Variants in SRRM4 observed in about 807,000 individuals in gnomAD.
SRRM4 encodes the protein serine/arginine repetitive matrix 4, also known as serine/arginine repetitive matrix protein 4.
In SRRM4, 33 loss-of-function variants were observed where a neutral mutation model predicts 68.9. That is an observed-to-expected ratio of 0.48 (90% CI 0.36 to 0.64). SRRM4 has a LOEUF of 0.64. Ranked by LOEUF, SRRM4 falls within the 30% of genes least tolerant of loss-of-function variation. The pLI is 0.00. For missense variants in SRRM4, 817 were observed against 827.1 expected, an observed-to-expected ratio of 0.99 and a Z score of 0.15; for synonymous variants, 318 against 318.8, an observed-to-expected ratio of 1.00 and a Z score of 0.03.
chr12:119,100,743 C>A (rs1256138095), intron 1 of SRRM4, among the ~76,000 whole-genome samples: 1 of 152,144 alleles, frequency 6.6e-6, no homozygotes, highest in Non-Finnish European at 1.5e-5. Context: ...AAAATAGAAG[C>A]TTTGTTGTCA....
At chr12:119,111,462 A>C (rs1282874118) in intron 2 of SRRM4, among the ~76,000 whole-genome samples, 2 of 152,202 alleles carry the variant, frequency 1.3e-5, no homozygotes, top group East Asian at 3.9e-4. Context: ...CGAAGTTCTC[A>C]AATCATGCTC....
At chr12:119,045,164 G>A (rs898281956) in intron 1 of SRRM4, among the ~76,000 whole-genome samples, 3 of 152,164 alleles carry the variant, frequency 2.0e-5, no homozygotes, top group African/African-American at 7.2e-5. Flanking sequence ...CACACCCACA[G>A]TCACATGCAG....
intron 1 of SRRM4, among the ~76,000 whole-genome samples, chr12:119,063,705 T>C (rs1275531899): frequency 6.6e-6 from 1 of 152,222 alleles, no homozygotes; most frequent in African/African-American, 2.4e-5. Context: ...ATGCTAGACA[T>C]TGGTCTCTGG....
intron 1 of SRRM4, among the ~76,000 whole-genome samples, chr12:119,016,177 A>G (rs919646234): frequency 6.6e-6 from 1 of 152,188 alleles, no homozygotes; most frequent in African/African-American, 2.4e-5. Context: ...AAGAAGCAAA[A>G]CAGAATCTTT....
intron 2 of SRRM4, among the ~76,000 whole-genome samples, chr12:119,109,410 T>C (rs1954128544): frequency 6.6e-6 from 1 of 152,204 alleles, no homozygotes; most frequent in Non-Finnish European, 1.5e-5. Context: ...TCCTGAAGAG[T>C]GTTTTCCAAC....
rs369974151 is a variant in SRRM4 at position 119,145,728 on chromosome 12, T to A, written c.1076+43T>A. On this transcript the variant is annotated intron_variant, in intron 9 of 12. Coordinates refer to ENST00000267260, the MANE Select transcript of SRRM4 (RefSeq NM_194286.4). ...GGTCGGGGGTAGACGGTCTCCCACCTTAGCTCCACCTTCTCATGCTCTCAT... is the reference window on the plus strand; with the variant it reads ...GGTCGGGGGTAGACGGTCTCCCACCATAGCTCCACCTTCTCATGCTCTCAT... The A allele has an allele frequency of 7.7e-6, 11 of 1,431,800 alleles. No individual in the cohort carries two copies. In the African/African-American group the frequency reaches 1.3e-4, roughly 17 times the overall value. The allele number at this position is 1,431,800 out of a possible 1,614,324, so 88.7% of individuals were successfully genotyped here. A position where few individuals can be genotyped will look rare whatever the true frequency, so the allele number is the denominator to read the frequency against.
rs561883576 is a variant in SRRM4 at position 119,067,650 on chromosome 12, G to A, written c.132-34586G>A. 4.6e-5 allele frequency among the ~76,000 whole-genome samples: 7 copies of A among 152,276 alleles called. No individual in the cohort carries two copies. The East Asian group carries it at 1.2e-3, about 25-fold the overall frequency. ...TTGAACCCGGGAGGTGGAGGTTGCGGTGAGGCAAGATCATGCCACTGCACT... is the reference window on the plus strand; with the variant it reads ...TTGAACCCGGGAGGTGGAGGTTGCGATGAGGCAAGATCATGCCACTGCACT... On this transcript the variant is annotated intron_variant, in intron 1 of 12. Coordinates refer to ENST00000267260, the MANE Select transcript of SRRM4 (RefSeq NM_194286.4).
intron 1 of SRRM4, among the ~76,000 whole-genome samples, chr12:119,045,469 T>G: frequency 8.8e-6 from 1 of 113,156 alleles, no homozygotes; most frequent in East Asian, 2.7e-4. Flanking sequence ...CACATTCCCC[T>G]TCCCCCACTC....
At position 119,122,112 on chromosome 12, in the gene SRRM4, C is replaced by G. The variant is rs1336772308; in HGVS notation, c.507C>G (p.His169Gln). Residue 169 changes from histidine to glutamine, a missense_variant, in exon 6 of 13, where the codon CAC becomes CAG. By Grantham distance (24) the His-to-Gln change is conservative. Transcript: ENST00000267260. ...PKSKRRDEKR[H>Q]KKQSRSRPRK... ...GCAAAAGAAGAGATGAGAAGAGGCA[C>G]AAGAAACAGTAAGTAGATACTACCT... 6.2e-7 allele frequency: 1 copy of G among 1,608,876 alleles called. No individual in the cohort carries two copies. The highest frequency in any genetic ancestry group is 1.7e-5 in the Admixed American group (1 of 59,992).
rs759898483 is a variant in SRRM4 at position 119,156,611 on chromosome 12, CCCGGAGCCGGAGTCGGAG to C, written c.1662_1679del (p.Ser554_Arg559del). On this transcript the variant is annotated inframe_deletion, in exon 13 of 13. Transcript: ENST00000267260. ...AGCCGCTCGGCCAGCCGCAGCTACT[CCCGGAGCCGGAGTCGGAG>C]CCGGAGCCGGAGACGGAGCCGGACC... 24 of 1,610,154 alleles carry C rather than the reference CCCGGAGCCGGAGTCGGAG, an allele frequency of 1.5e-5. No individual in the cohort carries two copies. Among genetic ancestry groups the C allele is most frequent in the Middle Eastern group, 2.2e-4 (1 of 4,482 alleles).
chr12:119,134,178 G>T (rs1954314439), intron 8 of SRRM4, among the ~76,000 whole-genome samples: 1 of 151,996 alleles, frequency 6.6e-6, no homozygotes, highest in Non-Finnish European at 1.5e-5. Flanking sequence ...AATATCAAGG[G>T]GCTTATTTAC....
intron 1 of SRRM4, among the ~76,000 whole-genome samples, chr12:118,992,552 G>C (rs1953323783): frequency 6.6e-6 from 1 of 152,190 alleles, no homozygotes; most frequent in South Asian, 2.1e-4. Context: ...AGGTGATTCT[G>C]GGACCCAACC....
At chr12:119,067,079 GTCAC>G (rs1338325318) in intron 1 of SRRM4, among the ~76,000 whole-genome samples, 1 of 151,792 alleles carries the variant, frequency 6.6e-6, no homozygotes, top group Non-Finnish European at 1.5e-5. Flanking sequence ...TCACAATTCT[GTCAC>G]TCACTCACTC....
intron 1 of SRRM4, among the ~76,000 whole-genome samples, chr12:119,088,080 C>T (rs1431977543): frequency 6.6e-6 from 1 of 152,178 alleles, no homozygotes; most frequent in African/African-American, 2.4e-5. Flanking sequence ...TTGGTAGGCC[C>T]ATGCTTCAGC....
intron 1 of SRRM4, among the ~76,000 whole-genome samples, chr12:118,987,787 T>C (rs1292959151): frequency 2.0e-5 from 3 of 152,196 alleles, no homozygotes; most frequent in Admixed American, 6.5e-5. Flanking sequence ...GCCAGGCCCA[T>C]TGGGGAGAAA....
chr12:119,100,888 T>C (rs1954074145), intron 1 of SRRM4, among the ~76,000 whole-genome samples: 1 of 152,212 alleles, frequency 6.6e-6, no homozygotes, highest in Non-Finnish European at 1.5e-5. Context: ...AGCACAGAGT[T>C]GGCAGTGAGA....
chr12:119,008,781 C>G (rs770739385), intron 1 of SRRM4, among the ~76,000 whole-genome samples: 7 of 152,150 alleles, frequency 4.6e-5, no homozygotes, highest in African/African-American at 1.4e-4. Context: ...CCAGAGCCAA[C>G]GGGCCGCCCC....
chr12:119,007,894 G>C (rs1411545928), intron 1 of SRRM4, among the ~76,000 whole-genome samples: 1 of 152,168 alleles, frequency 6.6e-6, no homozygotes, highest in Non-Finnish European at 1.5e-5. Flanking sequence ...TTGATTGGCT[G>C]TGTGCTTTTG....
In SRRM4 at chr12:119,086,901, C is replaced by T. The variant is rs1213681996; in HGVS notation, c.132-15335C>T. Among the ~76,000 whole-genome samples the T allele has an allele frequency of 2.0e-5, 3 of 152,304 alleles. No homozygotes were observed. The East Asian group carries it at 5.8e-4, about 29-fold the overall frequency. ...AGTCTGGAGGTAGAGTTCCAAACCC[C>T]AACTCTAAACACCAATCTCACAGCT... is the stretch of plus-strand genomic sequence containing the variant. On this transcript the variant is annotated intron_variant, in intron 1 of 12. Coordinates refer to ENST00000267260, the MANE Select transcript of SRRM4 (RefSeq NM_194286.4).
Sources: allele counts gnomAD v4.1 joint callset (sites outside exome capture counted in the v4.1 genomes callset), GRCh38; gene constraint gnomAD v4.1.1; transcripts MANE v1.5; gene names NCBI Gene and HGNC (gene_info 2026-07-23, HGNC 2026-07-21).